Variants in EDIL3 observed in about 807,000 individuals in gnomAD.
EDIL3 encodes EGF like and discoidin domains 3, also known as EGF-like repeat and discoidin I-like domain-containing protein 3.
In EDIL3, 37 loss-of-function variants were observed where a neutral mutation model predicts 67.4. That is an observed-to-expected ratio of 0.55 (90% CI 0.42 to 0.72). The LOEUF is 0.72. Ranked by LOEUF, EDIL3 falls within the 30% of genes least tolerant of loss-of-function variation. The pLI, the probability that EDIL3 is intolerant of heterozygous loss-of-function variation, is 0.00. For synonymous variants in EDIL3, 195 were observed against 196.3 expected (o/e 0.99, Z 0.05); for missense variants, 527 against 586.3 (o/e 0.90, Z 1.04).
chr5:84,383,807 G>T lies in EDIL3; in HGVS notation c.67+501C>A, dbSNP rs969136494. On this transcript the variant is annotated intron_variant, in intron 1 of 10. Coordinates refer to ENST00000296591, the MANE Select transcript of EDIL3 (RefSeq NM_005711.5). ...CAGCGCCGGGTCTGGGTTTGCGAACGGCTCAGCCCAGGCCCTGCGCCAGAG... is the reference window on the plus strand; with the variant it reads ...CAGCGCCGGGTCTGGGTTTGCGAACTGCTCAGCCCAGGCCCTGCGCCAGAG... 9.2e-5 allele frequency among the ~76,000 whole-genome samples: 14 copies of T among 152,274 alleles called. No individual in the cohort carries two copies. In the East Asian group the frequency reaches 2.7e-3, roughly 30 times the overall value.
chr5:84,237,689 A>T lies in EDIL3; in HGVS notation c.197-7805T>A, dbSNP rs575301327. ...AAATAAAGTCCATAATCCTAAACAC[A>T]ATGTAAAATATTTGCTTTTTGTAAG... On this transcript the variant is annotated intron_variant, in intron 2 of 10. Coordinates refer to ENST00000296591, the MANE Select transcript of EDIL3 (RefSeq NM_005711.5). Among the ~76,000 whole-genome samples the T allele has an allele frequency of 1.1e-4, 17 of 152,282 alleles. No homozygotes were observed. The South Asian group carries it at 2.9e-3, about 26-fold the overall frequency.
intron 9 of EDIL3, among the ~76,000 whole-genome samples, chr5:84,033,704 T>TA (rs71605889): frequency 0.12 from 11,291 of 92,614 alleles, 899 homozygotes; most frequent in African/African-American, 0.22. Context: ...ACATTGTCTC[T>TA]AAAAAAAAAA....
At chr5:84,288,045 T>C (rs1212026780) in intron 1 of EDIL3, among the ~76,000 whole-genome samples, 2 of 152,190 alleles carry the variant, frequency 1.3e-5, no homozygotes, top group East Asian at 3.9e-4. Flanking sequence ...CTCACTTGGA[T>C]GACTAATCTG....
intron 1 of EDIL3, among the ~76,000 whole-genome samples, chr5:84,317,621 A>C (rs1309408416): frequency 6.6e-6 from 1 of 152,112 alleles, no homozygotes; most frequent in Non-Finnish European, 1.5e-5. Context: ...CAACCAAAAA[A>C]AGTCCAGGAC....
chr5:84,188,999 T>C (rs1301820932), intron 3 of EDIL3, among the ~76,000 whole-genome samples: 1 of 152,066 alleles, frequency 6.6e-6, no homozygotes, highest in African/African-American at 2.4e-5. Context: ...GGAGCACTAT[T>C]TCACCCGCCT....
chr5:84,078,290 G>A (rs1746900336), intron 6 of EDIL3, among the ~76,000 whole-genome samples: 1 of 152,002 alleles, frequency 6.6e-6, no homozygotes, highest in Admixed American at 6.5e-5. Context: ...AAGTGTACCT[G>A]TGTGTATGTG....
chr5:84,029,757 G>A (rs1040788678), intron 9 of EDIL3, among the ~76,000 whole-genome samples: 2 of 152,026 alleles, frequency 1.3e-5, no homozygotes, highest in Non-Finnish European at 2.9e-5. Context: ...TCAGAGGCAG[G>A]GACATCCTCA....
chr5:84,357,956 C>G lies in EDIL3; in HGVS notation c.67+26352G>C, dbSNP rs73144562. Among the ~76,000 whole-genome samples the G allele has an allele frequency of 2.4e-3, 363 of 150,026 alleles. 1 individual carries two copies. Among genetic ancestry groups the G allele is most frequent in the African/African-American group, 8.7e-3 (354 of 40,900 alleles). ...TAGGAATCCTGGTAAAATACTCCAA[C>G]CATTTCTTTCTCTCCCAGGCTGCTG... On this transcript the variant is annotated intron_variant, in intron 1 of 10. Transcript: ENST00000296591.
intron 4 of EDIL3, among the ~76,000 whole-genome samples, chr5:84,167,113 A>AT (rs938863162): frequency 6.6e-6 from 1 of 152,010 alleles, no homozygotes; most frequent in Non-Finnish European, 1.5e-5. Context: ...ATCGGTCTGG[A>AT]TTTTTTTTGA....
Position 84,106,789 on chromosome 5 carries a change from T to A in EDIL3, c.511A>T (p.Asn171Tyr). The change falls in exon 6 of 11, where the codon AAC becomes TAC. Residue 171 changes from asparagine (N) to tyrosine (Y), a missense_variant. Asn to Tyr is a moderately radical substitution (Grantham distance 143, BLOSUM62 -2). This residue lies in a region of EDIL3 where 494 missense variants were observed against 522.5 expected (regional missense o/e 0.95). Transcript: ENST00000296591. Reference protein sequence around the residue: ...PLGIEGGIISNQQITASSTHR... With the variant: ...PLGIEGGIISYQQITASSTHR... ...GTAGAGGAAGCTGTGATTTGCTGGT[T>A]TGATATAATTCCACCTTCAATTCCC... 1 of 1,611,350 alleles carries A rather than the reference T, an allele frequency of 6.2e-7. No homozygotes were observed. Among genetic ancestry groups the A allele is most frequent in the Non-Finnish European group, 8.5e-7 (1 of 1,178,986 alleles).
At position 83,941,711 on chromosome 5, in the gene EDIL3, A is replaced by C. The variant is rs1415543856; in HGVS notation, c.*1708T>G. ...TGTTGAAAACTGATCACCATTTCAG[A>C]GGCTTCAAATTCATAATTTCATAAT... On this transcript the variant is annotated 3_prime_UTR_variant, in exon 11 of 11. Coordinates refer to ENST00000296591, the MANE Select transcript of EDIL3 (RefSeq NM_005711.5). 6.6e-6 allele frequency: 1 copy of C among 152,040 alleles called. No individual in the cohort carries two copies. Among genetic ancestry groups the C allele is most frequent in the Non-Finnish European group, 1.5e-5 (1 of 67,916 alleles). 9.4% of individuals were successfully genotyped at this position (152,040 alleles called of 1,614,324 possible). A position where few individuals can be genotyped will look rare whatever the true frequency, so the allele number is the denominator to read the frequency against.
intron 3 of EDIL3, among the ~76,000 whole-genome samples, chr5:84,182,226 A>G (rs915144521): frequency 1.3e-5 from 2 of 151,818 alleles, no homozygotes; most frequent in African/African-American, 4.8e-5. Context: ...CAGGAGTTCG[A>G]GACAAGCCTG....
intron 6 of EDIL3, among the ~76,000 whole-genome samples, chr5:84,084,704 A>G (rs562639095): frequency 3.3e-5 from 5 of 152,226 alleles, no homozygotes; most frequent in Non-Finnish European, 7.3e-5. Flanking sequence ...AAATCTATAA[A>G]GACAGGAGAG....
rs750778651 is a variant in EDIL3 at position 83,963,372 on chromosome 5, G to C, written c.1138-12C>G. 7.4e-5 allele frequency: 118 copies of C among 1,585,298 alleles called. 1 individual carries two copies. The highest frequency in any genetic ancestry group is 9.2e-5 in the Non-Finnish European group (108 of 1,169,944). On this transcript the variant is annotated splice_polypyrimidine_tract_variant and intron_variant, in intron 9 of 10. Coordinates refer to ENST00000296591, the MANE Select transcript of EDIL3 (RefSeq NM_005711.5). Reference sequence around the variant, plus strand: ...ACAAGAAGATCCACCTTAAAAAAAAGAAAAATACAGGCTTTAAATGCGACA... The same window carrying C: ...ACAAGAAGATCCACCTTAAAAAAAACAAAAATACAGGCTTTAAATGCGACA...
intron 1 of EDIL3, among the ~76,000 whole-genome samples, chr5:84,276,574 AT>A (rs556838125): frequency 5.9e-4 from 90 of 151,442 alleles, no homozygotes; most frequent in African/African-American, 2.0e-3. Context: ...TTATATACTT[AT>A]TTTTTTTAAT....
At chr5:84,290,425 G>A (rs1178727687) in intron 1 of EDIL3, among the ~76,000 whole-genome samples, 3 of 152,000 alleles carry the variant, frequency 2.0e-5, no homozygotes, top group Non-Finnish European at 4.4e-5. Flanking sequence ...CTAGACATAC[G>A]TCATCTCTAA....
chr5:84,102,449 C>A (rs1464133401), intron 6 of EDIL3, among the ~76,000 whole-genome samples: 1 of 151,812 alleles, frequency 6.6e-6, no homozygotes, highest in Admixed American at 6.6e-5. Flanking sequence ...ATCTAGGAAA[C>A]CCCACAGTCT....
intron 6 of EDIL3, among the ~76,000 whole-genome samples, chr5:84,095,095 A>G (rs2112271991): frequency 6.6e-6 from 1 of 152,188 alleles, no homozygotes; most frequent in Non-Finnish European, 1.5e-5. Flanking sequence ...AGTGTTTTTT[A>G]TTTTATTTAT....
At chr5:84,280,522 C>T (rs146834550) in intron 1 of EDIL3, among the ~76,000 whole-genome samples, 68 of 152,180 alleles carry the variant, frequency 4.5e-4, no homozygotes, top group African/African-American at 1.4e-3. Flanking sequence ...TTTAAAATCA[C>T]GTTTTCATCC....
Sources: gnomAD v4.1 joint callset for allele counts (sites outside exome capture counted in the v4.1 genomes callset) on GRCh38, gnomAD v4.1.1 for gene constraint, gnomAD v4.1.1 regional missense constraint, MANE v1.5 for transcripts, NCBI Gene and HGNC (gene_info 2026-07-23, HGNC 2026-07-21) for gene names.